AUTS2: variants seen among roughly 807,000 people sequenced by gnomAD.
AUTS2 encodes activator of transcription and developmental regulator AUTS2, also known as autism susceptibility gene 2 protein.
AUTS2 carries 17 observed loss-of-function variants against 112.4 expected under a neutral mutation model. That is an observed-to-expected ratio of 0.15 (90% CI 0.10 to 0.23). The LOEUF is 0.23. AUTS2 is among the 10% of genes least tolerant of loss of function. The probability of loss-of-function intolerance (pLI) is 1.00; values close to 1 mark genes in which losing one functional copy is unlikely to be tolerated. For synonymous variants in AUTS2, 751 were observed against 702.7 expected (o/e 1.07, Z -1.09); for missense variants, 1,510 against 1,701.6 (o/e 0.89, Z 1.98).
At chr7:70,545,172 G>A (rs1319241373) in intron 5 of AUTS2, among the ~76,000 whole-genome samples, 2 of 152,206 alleles carry the variant, frequency 1.3e-5, no homozygotes, top group Non-Finnish European at 2.9e-5. Flanking sequence ...TTGGAAGAAA[G>A]GGAAAGTCCC....
intron 2 of AUTS2, among the ~76,000 whole-genome samples, chr7:69,977,495 G>A (rs190660502): frequency 3.9e-5 from 6 of 152,280 alleles, no homozygotes; most frequent in Admixed American, 2.0e-4. Flanking sequence ...GATTTTGATA[G>A]AGATTGTATT....
intron 2 of AUTS2, among the ~76,000 whole-genome samples, chr7:69,976,478 G>C (rs10950194): frequency 0.14 from 21,466 of 152,016 alleles, 2,418 homozygotes; most frequent in East Asian, 0.54. Flanking sequence ...GTTCTTTTTG[G>C]TATGTATGTA....
intron 10 of AUTS2, among the ~76,000 whole-genome samples, chr7:70,770,968 A>G (rs1207469839): frequency 2.0e-5 from 3 of 151,952 alleles, no homozygotes; most frequent in Non-Finnish European, 4.4e-5. Flanking sequence ...ATTTGTCATT[A>G]TTTTAGATGA....
chr7:70,357,385 A>C (rs181225536), intron 4 of AUTS2, among the ~76,000 whole-genome samples: 6 of 152,270 alleles, frequency 3.9e-5, no homozygotes, highest in Admixed American at 3.9e-4. Flanking sequence ...GACCCAAGAG[A>C]GCCATTTAAA....
chr7:70,752,570 C>A (rs1219755766), intron 6 of AUTS2, among the ~76,000 whole-genome samples: 1 of 152,150 alleles, frequency 6.6e-6, no homozygotes, highest in South Asian at 2.1e-4. Flanking sequence ...AACGAAAGAT[C>A]AGGACCACAG....
chr7:69,879,384 A>G (rs1224274478), intron 1 of AUTS2, among the ~76,000 whole-genome samples: 1 of 151,042 alleles, frequency 6.6e-6, no homozygotes, highest in Non-Finnish European at 1.5e-5. Flanking sequence ...TCCTGGGCTC[A>G]AGTCATCCAC....
intron 5 of AUTS2, among the ~76,000 whole-genome samples, chr7:70,461,624 A>G (rs1423095269): frequency 1.3e-5 from 2 of 152,216 alleles, no homozygotes; most frequent in Non-Finnish European, 2.9e-5. Context: ...TACTTATTAT[A>G]TGCCAGGAAT....
chr7:70,080,048 A>G (rs1803227569), intron 2 of AUTS2, among the ~76,000 whole-genome samples: 2 of 151,242 alleles, frequency 1.3e-5, no homozygotes, highest in Non-Finnish European at 2.9e-5. Flanking sequence ...CCATCTCCCA[A>G]CACTGTTGCA....
chr7:70,027,389 T>C (rs1468890700), intron 2 of AUTS2, among the ~76,000 whole-genome samples: 2 of 152,172 alleles, frequency 1.3e-5, no homozygotes, highest in South Asian at 2.1e-4. Context: ...TATTTGTTAG[T>C]GTTTCTTCCT....
chr7:70,572,455 A>AG (rs1801983924), intron 5 of AUTS2, among the ~76,000 whole-genome samples: 2 of 52,532 alleles, frequency 3.8e-5, no homozygotes, highest in South Asian at 7.5e-4. Context: ...GAAGGCAGGG[A>AG]TGGGGGGTGG....
At chr7:70,443,064 A>G (rs1796183544) in intron 5 of AUTS2, among the ~76,000 whole-genome samples, 1 of 152,210 alleles carries the variant, frequency 6.6e-6, no homozygotes, top group Non-Finnish European at 1.5e-5. Flanking sequence ...CTTCACTTAT[A>G]CTGAACATGT....
chr7:69,701,240 C>T (rs531842858), intron 1 of AUTS2, among the ~76,000 whole-genome samples: 2 of 151,994 alleles, frequency 1.3e-5, no homozygotes, highest in Non-Finnish European at 2.9e-5. Flanking sequence ...AAATACTGGC[C>T]GAAAAGTCGT....
intron 5 of AUTS2, among the ~76,000 whole-genome samples, chr7:70,600,679 C>T (rs1803431658): frequency 6.6e-6 from 1 of 152,206 alleles, no homozygotes. Context: ...ATCCCACACC[C>T]ATTAGCAATC....
intron 5 of AUTS2, among the ~76,000 whole-genome samples, chr7:70,496,733 G>A (rs1385216976): frequency 4.9e-4 from 50 of 102,008 alleles, no homozygotes; most frequent in Middle Eastern, 0.011. Context: ...ACATGCACAC[G>A]TCACATCAGC....
Position 69,776,095 on chromosome 7 carries a change from G to A in AUTS2, c.310-123191G>A, listed in dbSNP as rs557634822. Among the ~76,000 whole-genome samples the A allele has an allele frequency of 1.5e-4, 23 of 152,266 alleles. No individual in the cohort carries two copies. In the South Asian group the frequency reaches 2.7e-3, roughly 18 times the overall value. On this transcript the variant is annotated intron_variant, in intron 1 of 18. Coordinates refer to ENST00000342771, the MANE Select transcript of AUTS2 (RefSeq NM_015570.4). Reference sequence around the variant, plus strand: ...TCTATTGGTTGTTTTTGCATGTGTCGTGGTTATCGTCATCATATGACTAAT... The same window carrying A: ...TCTATTGGTTGTTTTTGCATGTGTCATGGTTATCGTCATCATATGACTAAT...
chr7:70,382,521 C>T (rs1181418237), intron 4 of AUTS2, among the ~76,000 whole-genome samples: 5 of 152,150 alleles, frequency 3.3e-5, no homozygotes, highest in Admixed American at 2.6e-4. Flanking sequence ...GAAAGCATGG[C>T]GCCACCCTCC....
chr7:69,798,434 T>C (rs1789943279), intron 1 of AUTS2, among the ~76,000 whole-genome samples: 1 of 152,230 alleles, frequency 6.6e-6, no homozygotes, highest in Non-Finnish European at 1.5e-5. Flanking sequence ...ATGCCTTTCC[T>C]TTCCCCTGGG....
At position 70,302,633 on chromosome 7, in the gene AUTS2, A is replaced by G. The variant is rs1484519611; in HGVS notation, c.661-133119A>G. On this transcript the variant is annotated intron_variant, in intron 4 of 18. Transcript: ENST00000342771. ...CTGGCCATCTATCCACCATTTATCT[A>G]GTATAATTTCCATAATAAAACCACC... is the stretch of plus-strand genomic sequence containing the variant. Among the ~76,000 whole-genome samples, 3 of 151,916 alleles carry G rather than the reference A, an allele frequency of 2.0e-5. No homozygotes were observed. The East Asian group carries it at 5.8e-4, about 29-fold the overall frequency.
intron 1 of AUTS2, among the ~76,000 whole-genome samples, chr7:69,654,856 G>A (rs1795453703): frequency 6.6e-6 from 1 of 152,118 alleles, no homozygotes; most frequent in Non-Finnish European, 1.5e-5. Context: ...GTTTAGAGGT[G>A]GGCTTCTTTA....
Sources: allele counts gnomAD v4.1 joint callset (sites outside exome capture counted in the v4.1 genomes callset), GRCh38; gene constraint gnomAD v4.1.1; transcripts MANE v1.5; gene names NCBI Gene and HGNC (gene_info 2026-07-23, HGNC 2026-07-21).